The following CHN2 variants were observed in gnomAD, a reference collection of about 807,000 sequenced individuals.
CHN2 encodes chimerin 2, also known as beta-chimaerin.
Under a neutral mutation model 56.3 loss-of-function variants are expected in CHN2, and 35 were observed. The ratio of observed to expected loss-of-function variants is 0.62; its 90% CI spans 0.47 to 0.82. CHN2 has a LOEUF of 0.82. CHN2 is among the 40% of genes least tolerant of loss of function. The pLI, the probability that CHN2 is intolerant of heterozygous loss-of-function variation, is 0.00. For synonymous variants in CHN2, 210 were observed against 212.8 expected (o/e 0.99, Z 0.12); for missense variants, 491 against 580.5 (o/e 0.85, Z 1.58).
chr7:29,157,867 GA>G (rs1170795965), intron 2 of CHN2, among the ~76,000 whole-genome samples: 1 of 152,190 alleles, frequency 6.6e-6, no homozygotes, highest in Admixed American at 6.5e-5. Flanking sequence ...TAGATTATTA[GA>G]AATGTCATGT....
intron 6 of CHN2, among the ~76,000 whole-genome samples, chr7:29,434,884 G>C (rs1562604294): frequency 6.6e-6 from 1 of 152,172 alleles, no homozygotes; most frequent in Admixed American, 6.5e-5. Context: ...TTGAGGACAG[G>C]AGTTTGAGAC....
intron 6 of CHN2, among the ~76,000 whole-genome samples, chr7:29,448,584 C>T (rs1296430093): frequency 6.6e-6 from 1 of 152,226 alleles, no homozygotes; most frequent in Non-Finnish European, 1.5e-5. Context: ...TCACTACCCA[C>T]TTCCCTTACT....
intron 1 of CHN2, among the ~76,000 whole-genome samples, chr7:29,235,536 A>C (rs1358076854): frequency 5.9e-5 from 9 of 152,232 alleles, no homozygotes; most frequent in African/African-American, 2.2e-4. Context: ...CTATTACTGG[A>C]TATATACCCC....
chr7:29,314,091 G>A (rs1268291002), intron 1 of CHN2, among the ~76,000 whole-genome samples: 5 of 152,152 alleles, frequency 3.3e-5, no homozygotes, highest in Non-Finnish European at 5.9e-5. Flanking sequence ...ATTTCCAAGA[G>A]ATATTTGTAC....
In CHN2 at chr7:29,172,718, A is replaced by G. The variant is rs577056751; in HGVS notation, c.274+25758A>G. On this transcript the variant is annotated intron_variant, in intron 2 of 6. Coordinates refer to the CHN2 transcript ENST00000439384. ...TACAGTCATCTGACCAACGATTTCA[A>G]GAATCATTAATGTTAATTGGGAAAG... 2.0e-5 allele frequency among the ~76,000 whole-genome samples: 3 copies of G among 152,358 alleles called. No individual in the cohort carries two copies. In the East Asian group the frequency reaches 5.8e-4, roughly 29 times the overall value.
intron 2 of CHN2, among the ~76,000 whole-genome samples, chr7:29,363,250 C>G (rs1798874660): frequency 6.6e-6 from 1 of 152,196 alleles, no homozygotes; most frequent in South Asian, 2.1e-4. Context: ...CTTTGGGAGG[C>G]CGAAGCAGGT....
chr7:29,304,958 C>T (rs757140399), intron 1 of CHN2, among the ~76,000 whole-genome samples: 2 of 152,136 alleles, frequency 1.3e-5, no homozygotes, highest in African/African-American at 2.4e-5. Context: ...ATTGTCAGGG[C>T]GGAGGATACG....
At chr7:29,359,110 C>G (rs749634607) in intron 2 of CHN2, among the ~76,000 whole-genome samples, 4 of 152,156 alleles carry the variant, frequency 2.6e-5, no homozygotes, top group Admixed American at 6.5e-5. Context: ...GAGTCTCAGT[C>G]TTAATTGACC....
At chr7:29,234,065 C>G (rs1395706043) in intron 1 of CHN2, among the ~76,000 whole-genome samples, 1 of 151,188 alleles carries the variant, frequency 6.6e-6, no homozygotes, top group East Asian at 2.0e-4. Context: ...GATCTCCTGA[C>G]CTCGTGATCC....
chr7:29,327,564 G>A (rs1027929274), intron 1 of CHN2, among the ~76,000 whole-genome samples: 8 of 152,226 alleles, frequency 5.3e-5, no homozygotes, highest in South Asian at 2.1e-4. Flanking sequence ...CTAAGTATCC[G>A]ATTCCTTCTT....
intron 1 of CHN2, among the ~76,000 whole-genome samples, chr7:29,217,114 A>C: frequency 6.6e-6 from 1 of 152,230 alleles, no homozygotes; most frequent in East Asian, 1.9e-4. Context: ...TCAGCTGGAA[A>C]ACTTAACTTT....
chr7:29,212,217 A>G (rs749183971), intron 1 of CHN2: 20 of 668,038 alleles, frequency 3.0e-5, no homozygotes, highest in Non-Finnish European at 4.7e-5. Flanking sequence ...TTTCTCTAAC[A>G]TCTTCCAGAA....
In CHN2 at chr7:29,394,902, A is replaced by G. The variant is rs75532165; in HGVS notation, c.176+1192A>G. Among the ~76,000 whole-genome samples the G allele has an allele frequency of 4.9e-3, 750 of 152,364 alleles. 6 individuals are homozygous for G. Among genetic ancestry groups the G allele is most frequent in the African/African-American group, 0.017 (718 of 41,594 alleles). ...TTCTTACCCCCAATTCATGTAAAACATATGAGAGTCTTGAGACTAAAGAAG... is the reference window on the plus strand; with the variant it reads ...TTCTTACCCCCAATTCATGTAAAACGTATGAGAGTCTTGAGACTAAAGAAG... On this transcript the variant is annotated intron_variant, in intron 4 of 12. Coordinates refer to ENST00000222792, the MANE Select transcript of CHN2 (RefSeq NM_004067.4).
rs1791786692 is a variant in CHN2 at position 29,513,981 on chromosome 7, G to A, written c.*1246G>A. 1 of 152,604 alleles carries A rather than the reference G, an allele frequency of 6.6e-6. No individual in the cohort carries two copies. The highest frequency in any genetic ancestry group is 2.4e-5 in the African/African-American group (1 of 41,438). The allele number at this position is 152,604 out of a possible 1,614,324, so 9.5% of individuals were successfully genotyped here. On this transcript the variant is annotated 3_prime_UTR_variant, in exon 13 of 13. Transcript: ENST00000222792. ...GATTTTTAAAAAATCCAACTGCAAT[G>A]TCTTTTCCTTTGATTGAGATGATTT...
rs10269095 is a variant in CHN2 at position 29,164,754 on chromosome 7, C to T, written c.274+17794C>T. Among the ~76,000 whole-genome samples, 465 of 142,162 alleles carry T rather than the reference C, an allele frequency of 3.3e-3. 4 individuals are homozygous for T. The highest frequency in any genetic ancestry group is 0.012 in the African/African-American group (437 of 37,548). 93.3% of individuals were successfully genotyped at this position (142,162 alleles called of 152,430 possible). A position where few individuals can be genotyped will look rare whatever the true frequency, so the allele number is the denominator to read the frequency against. On this transcript the variant is annotated intron_variant, in intron 2 of 6. Transcript: ENST00000439384. The stretch of plus-strand genomic sequence containing the variant: ...CGAGATCTCACCACTGCACTCCAGC[C>T]TGGGTGACAGAGCAAGACCTGTCTC...
intron 3 of CHN2, 59 bp from the exon 4 acceptor site, chr7:29,393,620 T>G: frequency 1.3e-6 from 1 of 763,128 alleles, no homozygotes; most frequent in South Asian, 1.6e-5. Context: ...TGAATAGCAT[T>G]TTTATCTAGC....
At chr7:29,411,526 G>A (rs965773992) in intron 6 of CHN2, among the ~76,000 whole-genome samples, 1 of 152,146 alleles carries the variant, frequency 6.6e-6, no homozygotes, top group African/African-American at 2.4e-5. Context: ...TCCCAGAGGT[G>A]GATTTGTGAT....
At chr7:29,365,496 G>C (rs1799081665) in intron 2 of CHN2, among the ~76,000 whole-genome samples, 1 of 152,176 alleles carries the variant, frequency 6.6e-6, no homozygotes, top group Non-Finnish European at 1.5e-5. Context: ...GATGTCTTTG[G>C]ATCTGGTGTG....
chr7:29,332,687 G>A (rs1796317353), intron 1 of CHN2, among the ~76,000 whole-genome samples: 1 of 152,048 alleles, frequency 6.6e-6, no homozygotes, highest in Non-Finnish European at 1.5e-5. Context: ...ATGTCCATCT[G>A]TGTAAAGTAT....
Sources: gnomAD v4.1 joint callset for allele counts (sites outside exome capture counted in the v4.1 genomes callset) on GRCh38, gnomAD v4.1.1 for gene constraint, MANE v1.5 for transcripts, NCBI Gene and HGNC (gene_info 2026-07-23, HGNC 2026-07-21) for gene names.